The following HERC6 variants were observed in gnomAD, a reference collection of about 807,000 sequenced individuals.
The protein encoded by HERC6 is HECT and RLD domain containing E3 ubiquitin protein ligase family member 6, also known as probable E3 ubiquitin-protein ligase HERC6.
Under a neutral mutation model 114.5 loss-of-function variants are expected in HERC6, and 101 were observed. The ratio of observed to expected loss-of-function variants is 0.88; its 90% CI spans 0.75 to 1.04. The LOEUF is 1.04. Among genes scored for constraint, HERC6 ranks in the 50% least tolerant of loss-of-function variants. HERC6 has a pLI of 0.00. For synonymous variants in HERC6, 408 were observed against 436.2 expected, an observed-to-expected ratio of 0.94 and a Z score of 0.81; for missense variants, 1,133 against 1,230.9, an observed-to-expected ratio of 0.92 and a Z score of 1.19.
chr4:88,399,957 A>T (rs1009455850), intron 8 of HERC6, among the ~76,000 whole-genome samples: 1 of 152,132 alleles, frequency 6.6e-6, no homozygotes, highest in Non-Finnish European at 1.5e-5. Context: ...GAGCAGAGGG[A>T]ACTGCACACA....
chr4:88,432,222 CT>C (rs1738289619), intron 17 of HERC6, among the ~76,000 whole-genome samples: 1 of 151,982 alleles, frequency 6.6e-6, no homozygotes, highest in Non-Finnish European at 1.5e-5. Flanking sequence ...TGTATACGAA[CT>C]ATTAATATAA....
At chr4:88,436,113 T>A (rs1436662329) in intron 18 of HERC6, among the ~76,000 whole-genome samples, 1 of 152,308 alleles carries the variant, frequency 6.6e-6, no homozygotes, top group East Asian at 1.9e-4. Context: ...AAACAGGAGT[T>A]CTGGCCTGGT....
chr4:88,385,627 A>T, intron 3 of HERC6, 52 bp downstream of exon 3: 1 of 910,406 alleles, frequency 1.1e-6, no homozygotes, highest in Non-Finnish European at 1.7e-6. Flanking sequence ...TTTTTTGAAT[A>T]GGAATTATAG....
chr4:88,438,937 T>A (rs1254167787), intron 20 of HERC6, among the ~76,000 whole-genome samples: 1 of 152,160 alleles, frequency 6.6e-6, no homozygotes, highest in Non-Finnish European at 1.5e-5. Flanking sequence ...ATGTCTCTGA[T>A]GGAAATGCCT....
intron 13 of HERC6, among the ~76,000 whole-genome samples, chr4:88,419,053 A>G (rs998883478): frequency 6.6e-6 from 1 of 152,194 alleles, no homozygotes; most frequent in Admixed American, 6.5e-5. Context: ...AATGAAACAT[A>G]TATGTTTTAT....
chr4:88,392,467 G>A (rs1000097218), intron 4 of HERC6, among the ~76,000 whole-genome samples: 6 of 151,990 alleles, frequency 3.9e-5, no homozygotes, highest in Non-Finnish European at 1.5e-5. Flanking sequence ...TGGGATTACA[G>A]GTGTGAGACA....
At position 88,440,166 on chromosome 4, in the gene HERC6, G is replaced by A. The variant is rs1422865959; in HGVS notation, c.2758G>A (p.Gly920Arg). The A allele has an allele frequency of 6.8e-6, 11 of 1,609,000 alleles. No homozygotes were observed. The highest frequency in any genetic ancestry group is 6.8e-6 in the Non-Finnish European group (8 of 1,177,010). ...TCTCAAGAATTCAAAGTATGAGCAAGGATACCAAAAATCACATCCTACTAT... is the reference window on the plus strand; with the variant it reads ...TCTCAAGAATTCAAAGTATGAGCAAAGATACCAAAAATCACATCCTACTAT... ...QFEQNSKYEQ[G>R]YQKSHPTIQL... Residue 920 changes from glycine (G) to arginine (R), a missense_variant, in exon 22 of 23, where the codon GGA becomes AGA. Gly to Arg is a moderately radical substitution (Grantham distance 125). Transcript: ENST00000264346.
chr4:88,393,558 T>G lies in HERC6; in HGVS notation c.735T>G (p.Asp245Glu), dbSNP rs753796806. ...GTGTGGTTTATATCAGCTGTGGTGA[T>G]GCACACACTGCGGTGCTTACCCAGG... ...NLGVVYISCGDAHTAVLTQDG... is the reference protein window; with the variant it reads ...NLGVVYISCGEAHTAVLTQDG... The change falls in exon 5 of 23, where the codon GAT becomes GAG. Residue 245 changes from aspartate to glutamate, a missense_variant. By Grantham distance (45) the Asp-to-Glu change is conservative. Around this residue, in one of 3 missense-constraint regions of HERC6, gnomAD observed 735 missense variants for 754.0 expected, o/e 0.97. Coordinates refer to ENST00000264346, the MANE Select transcript of HERC6 (RefSeq NM_017912.4). 3.7e-6 allele frequency: 6 copies of G among 1,611,564 alleles called. No homozygotes were observed. The highest frequency in any genetic ancestry group is 5.1e-6 in the Non-Finnish European group (6 of 1,178,176).
At chr4:88,440,600 T>C (rs1739246915) in intron 22 of HERC6, 1 of 179,474 alleles carries the variant, frequency 5.6e-6, no homozygotes, top group Non-Finnish European at 1.2e-5. Context: ...ACCATCCGCA[T>C]AGGGCACGAA....
At position 88,407,819 on chromosome 4, in the gene HERC6, C is replaced by T. The variant is rs1036495303; in HGVS notation, c.1275-705C>T. ...ATAAGACAGGCCAGAGAGAACAGCA[C>T]ACCTGGACAAAGCGTTGGTACTGTT... On this transcript the variant is annotated intron_variant, in intron 10 of 22. Transcript: ENST00000264346. Among the ~76,000 whole-genome samples, 7 of 152,148 alleles carry T rather than the reference C, an allele frequency of 4.6e-5. No homozygotes were observed. In the South Asian group the frequency reaches 1.5e-3, roughly 32 times the overall value.
chr4:88,434,621 A>C (rs1415352520), intron 17 of HERC6, among the ~76,000 whole-genome samples: 1 of 152,204 alleles, frequency 6.6e-6, no homozygotes, highest in Non-Finnish European at 1.5e-5. Context: ...ACAGATGAAG[A>C]AACTGAGGTT....
intron 13 of HERC6, among the ~76,000 whole-genome samples, chr4:88,419,554 T>C (rs1212636831): frequency 1.3e-5 from 2 of 152,138 alleles, no homozygotes; most frequent in Non-Finnish European, 2.9e-5. Flanking sequence ...TTCTTAAACT[T>C]TAATATGCAT....
Position 88,379,031 on chromosome 4 carries a change from T to C in HERC6, c.110T>C (p.Leu37Pro). ...QAASGERHSLLLLTNHRVLSC... is the reference protein window; with the variant it reads ...QAASGERHSLPLLTNHRVLSC... ...GCCAGCGGGGAGCGCCACTCTCTGCTGCTGCTGACCAACCACAGGGTCCTC... is the reference window on the plus strand; with the variant it reads ...GCCAGCGGGGAGCGCCACTCTCTGCCGCTGCTGACCAACCACAGGGTCCTC... The change falls in exon 1 of 23, where the codon CTG becomes CCG. Residue 37 changes from leucine (L) to proline (P), a missense_variant. Coordinates refer to ENST00000264346, the MANE Select transcript of HERC6 (RefSeq NM_017912.4). 6.4e-7 allele frequency: 1 copy of C among 1,565,758 alleles called. No individual in the cohort carries two copies. Among genetic ancestry groups the C allele is most frequent in the East Asian group, 2.4e-5 (1 of 41,920 alleles).
chr4:88,429,495 C>T (rs972533002), intron 16 of HERC6, among the ~76,000 whole-genome samples: 2 of 152,218 alleles, frequency 1.3e-5, no homozygotes, highest in African/African-American at 4.8e-5. Flanking sequence ...ATATGAGTTT[C>T]AATGCTAGCC....
rs200492861 is a variant in HERC6, at chr4:88,393,570, G to C, written c.747G>C (p.Ala249=). Residue 249 remains alanine (A), a synonymous_variant, in exon 5 of 23, where the codon GCG becomes GCC. Coordinates refer to ENST00000264346, the MANE Select transcript of HERC6 (RefSeq NM_017912.4). The part of the protein sequence containing the change: ...VYISCGDAHT[A]VLTQDGKVFT... ...TCAGCTGTGGTGATGCACACACTGCGGTGCTTACCCAGGTAATCCAAAACG... is the reference window on the plus strand; with the variant it reads ...TCAGCTGTGGTGATGCACACACTGCCGTGCTTACCCAGGTAATCCAAAACG... 1.2e-6 allele frequency: 2 copies of C among 1,608,050 alleles called. No individual in the cohort carries two copies. Among genetic ancestry groups the C allele is most frequent in the East Asian group, 2.2e-5 (1 of 44,840 alleles).
intron 10 of HERC6, among the ~76,000 whole-genome samples, chr4:88,406,961 G>A (rs533396504): frequency 6.6e-6 from 1 of 152,100 alleles, no homozygotes; most frequent in Non-Finnish European, 1.5e-5. Context: ...GTTTCACCAT[G>A]TTGACCAGGC....
chr4:88,417,323 G>A, intron 12 of HERC6, 102 bp from the exon 13 acceptor site: 2 of 1,070,580 alleles, frequency 1.9e-6, no homozygotes, highest in Non-Finnish European at 2.7e-6. Context: ...CATCAGAAAT[G>A]TAAAATATTA....
At position 88,417,512 on chromosome 4, in the gene HERC6, AG is replaced by A. The variant is rs1560554158; in HGVS notation, c.1647del (p.Thr550LeufsTer14). ...KAAIISQLLH[Q>X]TKTEQDHCNV... ...GCCATCATCTCTCAGCTGCTTCATC[AG>A]ACTAAAACCGAACAGGATCACTGTA... On this transcript the variant is annotated frameshift_variant, in exon 13 of 23. Transcript: ENST00000264346. LOFTEE classifies it high-confidence loss of function. 6.2e-7 allele frequency: 1 copy of A among 1,612,724 alleles called. No individual in the cohort carries two copies. The highest frequency in any genetic ancestry group is 1.7e-5 in the Admixed American group (1 of 59,836).
chr4:88,404,023 G>C lies in HERC6; in HGVS notation c.1093-853G>C, dbSNP rs972915125. Reference sequence around the variant, plus strand: ...TAATAACTCCCCATTCCCTCTCTCCGCCCCCAGCTTTAGGTAATGTTGAAT... The same window carrying C: ...TAATAACTCCCCATTCCCTCTCTCCCCCCCCAGCTTTAGGTAATGTTGAAT... On this transcript the variant is annotated intron_variant, in intron 8 of 22. Coordinates refer to ENST00000264346, the MANE Select transcript of HERC6 (RefSeq NM_017912.4). Among the ~76,000 whole-genome samples, 7 of 151,622 alleles carry C rather than the reference G, an allele frequency of 4.6e-5. No homozygotes were observed. The South Asian group carries it at 1.0e-3, about 23-fold the overall frequency.
Sources: allele counts gnomAD v4.1 joint callset (sites outside exome capture counted in the v4.1 genomes callset), GRCh38; gene constraint gnomAD v4.1.1; regional missense constraint gnomAD v4.1.1; transcripts MANE v1.5; gene names NCBI Gene and HGNC (gene_info 2026-07-23, HGNC 2026-07-21).